The following ENTREP2 variants were observed in gnomAD, a reference collection of about 807,000 sequenced individuals.
ENTREP2 encodes protein ENTREP2.
At chr15:29,368,775 G>T in the ENTREP2 span, among the ~76,000 whole-genome samples, 1 of 151,928 alleles carries the variant, frequency 6.6e-6, no homozygotes, top group African/African-American at 2.4e-5. Flanking sequence ...TACTCAGGAG[G>T]CTGAGGCAGG....
At chr15:29,374,153 T>C in the ENTREP2 span, 2 of 152,106 alleles carry the variant, frequency 1.3e-5, no homozygotes, top group Non-Finnish European at 2.9e-5. Flanking sequence ...ATCTCACACA[T>C]CAATGTAACA....
the ENTREP2 span, among the ~76,000 whole-genome samples, chr15:29,543,851 T>G: frequency 6.6e-6 from 1 of 151,956 alleles, no homozygotes; most frequent in Non-Finnish European, 1.5e-5. Flanking sequence ...AAGAAGGTGA[T>G]CAACAAAGAT....
At chr15:29,260,189 T>A in the ENTREP2 span, among the ~76,000 whole-genome samples, 2 of 152,110 alleles carry the variant, frequency 1.3e-5, no homozygotes, top group Non-Finnish European at 2.9e-5. Context: ...GCAAACTCTC[T>A]CAAAAACTGA....
the ENTREP2 span, among the ~76,000 whole-genome samples, chr15:29,579,520 CTTTTT>C: frequency 9.0e-6 from 1 of 111,488 alleles, no homozygotes; most frequent in Non-Finnish European, 1.9e-5. Context: ...TGGTTTCTTT[CTTTTT>C]TTTTTTTTTT....
At chr15:29,220,545 G>A in the ENTREP2 span, among the ~76,000 whole-genome samples, 36 of 152,192 alleles carry the variant, frequency 2.4e-4, no homozygotes, top group Middle Eastern at 3.4e-3. Flanking sequence ...AGGAGCTGCC[G>A]CATTCTTTGT....
the ENTREP2 span, among the ~76,000 whole-genome samples, chr15:29,664,014 G>A: frequency 6.8e-6 from 1 of 147,258 alleles, no homozygotes; most frequent in East Asian, 2.0e-4. Flanking sequence ...GGCAACAAGA[G>A]TGAAACTCCA....
the ENTREP2 span, among the ~76,000 whole-genome samples, chr15:29,442,696 A>G: frequency 6.6e-6 from 1 of 152,158 alleles, no homozygotes; most frequent in African/African-American, 2.4e-5. Context: ...GGGCACATCA[A>G]TAATATGGAG....
the ENTREP2 span, chr15:29,269,364 G>A: frequency 6.2e-7 from 1 of 1,614,180 alleles, no homozygotes; most frequent in Non-Finnish European, 8.5e-7. Context: ...CCCCGATGAC[G>A]TGCTTCAGTA....
chr15:29,640,844 C>T, the ENTREP2 span, among the ~76,000 whole-genome samples: 1 of 152,064 alleles, frequency 6.6e-6, no homozygotes, highest in Non-Finnish European at 1.5e-5. Flanking sequence ...CTGATAATAG[C>T]CCAATACCAA....
chr15:29,364,322 T>G, the ENTREP2 span, among the ~76,000 whole-genome samples: 1 of 152,202 alleles, frequency 6.6e-6, no homozygotes, highest in African/African-American at 2.4e-5. Flanking sequence ...GCCCACCACT[T>G]GCCTGCCACA....
At chr15:29,461,269 G>A in the ENTREP2 span, among the ~76,000 whole-genome samples, 1 of 152,052 alleles carries the variant, frequency 6.6e-6, no homozygotes, top group Non-Finnish European at 1.5e-5. Context: ...ACATGACTTT[G>A]TTAACCAAAT....
chr15:29,648,401 A>G, the ENTREP2 span, among the ~76,000 whole-genome samples: 2 of 152,204 alleles, frequency 1.3e-5, no homozygotes, highest in Admixed American at 6.5e-5. Context: ...CTGCAAGCCC[A>G]TTAGCTCAGG....
At chr15:29,381,495 C>A in the ENTREP2 span, among the ~76,000 whole-genome samples, 1 of 149,234 alleles carries the variant, frequency 6.7e-6, no homozygotes. Flanking sequence ...TTGGTTCACG[C>A]TCGGTCCTTA....
the ENTREP2 span, among the ~76,000 whole-genome samples, chr15:29,622,263 T>C: frequency 6.6e-6 from 1 of 152,178 alleles, no homozygotes; most frequent in African/African-American, 2.4e-5. Context: ...CTGGGGGCAA[T>C]GGCATGATCT....
At chr15:29,354,032 G>A in the ENTREP2 span, among the ~76,000 whole-genome samples, 1 of 152,200 alleles carries the variant, frequency 6.6e-6, no homozygotes, top group Non-Finnish European at 1.5e-5. Context: ...GGTGTCTCCA[G>A]AAGAGGCTAG....
chr15:29,136,536 G>C, the ENTREP2 span: 1 of 1,540,312 alleles, frequency 6.5e-7, no homozygotes, highest in East Asian at 2.5e-5. Flanking sequence ...GTCATTGCCC[G>C]AAGGAGGAGG....
At chr15:29,482,078 A>G in the ENTREP2 span, among the ~76,000 whole-genome samples, 2 of 151,896 alleles carry the variant, frequency 1.3e-5, no homozygotes, top group African/African-American at 2.4e-5. Flanking sequence ...GCTCACTGCA[A>G]TCTACACATT....
At chr15:29,388,363 A>G in the ENTREP2 span, among the ~76,000 whole-genome samples, 1 of 152,272 alleles carries the variant, frequency 6.6e-6, no homozygotes, top group South Asian at 2.1e-4. Flanking sequence ...GACACATGAA[A>G]AAATGCTCAT....
chr15:29,486,440 C>T, the ENTREP2 span, among the ~76,000 whole-genome samples: 1 of 152,150 alleles, frequency 6.6e-6, no homozygotes, highest in African/African-American at 2.4e-5. Context: ...CCTGTAATCC[C>T]AGCACTTTGG....
Sources: gnomAD v4.1 joint callset for allele counts (sites outside exome capture counted in the v4.1 genomes callset) on GRCh38, gnomAD v4.1.1 for gene constraint, MANE v1.5 for transcripts, NCBI Gene and HGNC (gene_info 2026-07-23, HGNC 2026-07-21) for gene names.